MFSD11: variants seen among roughly 807,000 people sequenced by gnomAD.
MFSD11 encodes the protein UNC93-like protein MFSD11.
In MFSD11, 36 loss-of-function variants were observed where a neutral mutation model predicts 53.5. The observed-to-expected ratio is 0.67, with a 90% CI of 0.52 to 0.89. The LOEUF (loss-of-function observed/expected upper bound fraction) is 0.89. Among genes scored for constraint, MFSD11 ranks in the 40% least tolerant of loss-of-function variants. The probability of loss-of-function intolerance (pLI) is 0.00; values close to 1 mark genes in which losing one functional copy is unlikely to be tolerated. For synonymous variants in MFSD11, 186 were observed against 184.9 expected, an observed-to-expected ratio of 1.01 and a Z score of -0.05; for missense variants, 530 against 543.9, an observed-to-expected ratio of 0.97 and a Z score of 0.25.
chr17:76,759,195 A>C (rs1167936367), intron 8 of MFSD11, among the ~76,000 whole-genome samples: 1 of 152,222 alleles, frequency 6.6e-6, no homozygotes, highest in Non-Finnish European at 1.5e-5. Flanking sequence ...TTGAGGCTGC[A>C]GAGAATTATG....
At chr17:76,775,498 A>G (rs1197774225) in intron 11 of MFSD11, among the ~76,000 whole-genome samples, 2 of 152,182 alleles carry the variant, frequency 1.3e-5, no homozygotes, top group Admixed American at 1.3e-4. Context: ...GGAAGAACAA[A>G]GAGGAGCGAG....
At chr17:76,762,675 A>C (rs1487447887) in intron 8 of MFSD11, among the ~76,000 whole-genome samples, 1 of 151,566 alleles carries the variant, frequency 6.6e-6, no homozygotes, top group Non-Finnish European at 1.5e-5. Flanking sequence ...AAAAAAAAAA[A>C]AGCGGCCTTG....
In MFSD11 at chr17:76,764,499, C is replaced by T. The variant is rs571284717; in HGVS notation, c.683-2887C>T. Among the ~76,000 whole-genome samples, 4 of 152,328 alleles carry T rather than the reference C, an allele frequency of 2.6e-5. No individual in the cohort carries two copies. In the South Asian group the frequency reaches 8.3e-4, roughly 32 times the overall value. On this transcript the variant is annotated intron_variant, in intron 8 of 12. Transcript: ENST00000685175. ...TATTCCCCATATAAGTAAGATCATGCAGTATTTGTCTTTCTGTGTCTGGCT... is the reference window on the plus strand; with the variant it reads ...TATTCCCCATATAAGTAAGATCATGTAGTATTTGTCTTTCTGTGTCTGGCT...
At chr17:76,763,166 G>T in intron 8 of MFSD11, among the ~76,000 whole-genome samples, 1 of 152,200 alleles carries the variant, frequency 6.6e-6, no homozygotes, top group East Asian at 1.9e-4. Flanking sequence ...CTTAGCCTGT[G>T]GGGGAACTGC....
chr17:76,786,092 A>C (rs1267245943), downstream of MFSD11, among the ~76,000 whole-genome samples: 1 of 150,018 alleles, frequency 6.7e-6, no homozygotes, highest in East Asian at 2.0e-4. Context: ...AAAAAAAAAA[A>C]CAGAGGTGTT....
intron 7 of MFSD11, among the ~76,000 whole-genome samples, chr17:76,747,494 C>T (rs1416908307): frequency 6.6e-6 from 1 of 151,992 alleles, no homozygotes; most frequent in Non-Finnish European, 1.5e-5. Context: ...GCCACCATAC[C>T]CAGCTAATTT....
intron 10 of MFSD11, chr17:76,773,399 A>AC (rs2081540528): frequency 6.6e-6 from 1 of 152,064 alleles, no homozygotes; most frequent in South Asian, 2.1e-4. Context: ...TGGTGTTATC[A>AC]CTGTTTTTGA....
At position 76,743,578 on chromosome 17, in the gene MFSD11, G is replaced by A. The variant is rs1210667043; in HGVS notation, c.496+122G>A. ...ATGAACCCCGACACCTCAAGTTCTC[G>A]CAGATTTTAGCTTTTAGTAAGACTT... On this transcript the variant is annotated intron_variant, in intron 6 of 12. Coordinates refer to ENST00000685175, the MANE Select transcript of MFSD11 (RefSeq NM_001242532.5). The A allele has an allele frequency of 4.2e-5, 22 of 527,370 alleles. No homozygotes were observed. The South Asian group carries it at 5.3e-4, about 13-fold the overall frequency. 32.7% of individuals were successfully genotyped at this position (527,370 alleles called of 1,614,324 possible).
At chr17:76,793,309 A>T in the MFSD11 span, among the ~76,000 whole-genome samples, 2 of 151,362 alleles carry the variant, frequency 1.3e-5, no homozygotes, top group East Asian at 3.9e-4. Context: ...TTAGAGGCCT[A>T]CCCTCAGGGC....
chr17:76,789,204 G>T, the MFSD11 span, among the ~76,000 whole-genome samples: 1 of 150,150 alleles, frequency 6.7e-6, no homozygotes, highest in Non-Finnish European at 1.5e-5. Flanking sequence ...ACACTTGGAA[G>T]AGGGTCAAGT....
Position 76,759,825 on chromosome 17 carries a change from G to A in MFSD11, c.682+5738G>A, listed in dbSNP as rs145429133. On this transcript the variant is annotated intron_variant, in intron 8 of 12. Transcript: ENST00000685175. Reference sequence around the variant, plus strand: ...AGATGGAGTTTCACCATGTTGGCCAGACTGGTTTTGAACTCCTGACCTCAA... The same window carrying A: ...AGATGGAGTTTCACCATGTTGGCCAAACTGGTTTTGAACTCCTGACCTCAA... 9.1e-4 allele frequency among the ~76,000 whole-genome samples: 114 copies of A among 125,560 alleles called. 1 individual carries two copies. The South Asian group carries it at 0.014, about 15-fold the overall frequency. 82.4% of individuals were successfully genotyped at this position (125,560 alleles called of 152,430 possible).
chr17:76,763,707 AAAAC>A (rs2080513295), intron 8 of MFSD11, among the ~76,000 whole-genome samples: 1 of 152,056 alleles, frequency 6.6e-6, no homozygotes, highest in South Asian at 2.1e-4. Flanking sequence ...ACGCTCTAGG[AAAAC>A]AAACAAATGT....
chr17:76,773,098 C>A (rs2081513067), intron 10 of MFSD11: 1 of 152,344 alleles, frequency 6.6e-6, no homozygotes, highest in Non-Finnish European at 1.5e-5. Flanking sequence ...AATTTGCTCA[C>A]TTTATGTACT....
At chr17:76,775,850 TA>T (rs2081782430) in intron 11 of MFSD11, among the ~76,000 whole-genome samples, 1 of 152,220 alleles carries the variant, frequency 6.6e-6, no homozygotes, top group Non-Finnish European at 1.5e-5. Flanking sequence ...CTGGTCTTGA[TA>T]AGGGATACTC....
At chr17:76,770,106 C>T (rs1478907541) in intron 10 of MFSD11, among the ~76,000 whole-genome samples, 2 of 149,054 alleles carry the variant, frequency 1.3e-5, no homozygotes, top group African/African-American at 2.5e-5. Context: ...GGTGCGATCT[C>T]AGCTCACTGC....
chr17:76,768,257 G>A (rs993649423), intron 9 of MFSD11, among the ~76,000 whole-genome samples: 1 of 150,448 alleles, frequency 6.6e-6, no homozygotes. Flanking sequence ...GATCCAAGAT[G>A]GCACCACTAT....
the MFSD11 span, among the ~76,000 whole-genome samples, chr17:76,799,715 C>T: frequency 6.6e-6 from 1 of 152,070 alleles, no homozygotes; most frequent in African/African-American, 2.4e-5. Context: ...CTCTGTGTCC[C>T]AAACATTATT....
At position 76,766,147 on chromosome 17, in the gene MFSD11, T is replaced by G. The variant is rs192342610; in HGVS notation, c.683-1239T>G. ...AAAATGAACATGTGGCCAGGAGTGATGGCTCACGTCTGTGATCCTAGCACT... is the reference window on the plus strand; with the variant it reads ...AAAATGAACATGTGGCCAGGAGTGAGGGCTCACGTCTGTGATCCTAGCACT... On this transcript the variant is annotated intron_variant, in intron 8 of 12. Transcript: ENST00000685175. 5.3e-3 allele frequency among the ~76,000 whole-genome samples: 808 copies of G among 151,766 alleles called. 4 individuals are homozygous for G. The highest frequency in any genetic ancestry group is 0.014 in the Middle Eastern group (4 of 294).
At chr17:76,752,124 A>T (rs1393616256) in intron 7 of MFSD11, among the ~76,000 whole-genome samples, 1 of 152,142 alleles carries the variant, frequency 6.6e-6, no homozygotes, top group Non-Finnish European at 1.5e-5. Context: ...ATCAATAAGA[A>T]CTCTGCCATC....
Sources: gnomAD v4.1 joint callset for allele counts (sites outside exome capture counted in the v4.1 genomes callset) on GRCh38, gnomAD v4.1.1 for gene constraint, MANE v1.5 for transcripts, NCBI Gene and HGNC (gene_info 2026-07-23, HGNC 2026-07-21) for gene names.